RARRES1: variants seen among roughly 807,000 people sequenced by gnomAD.
RARRES1 encodes the protein retinoic acid receptor responder 1.
In RARRES1, 34 loss-of-function variants were observed where a neutral mutation model predicts 30.6. That is an observed-to-expected ratio of 1.11 (90% CI 0.84 to 1.48). The LOEUF is 1.48. Ranked by LOEUF, RARRES1 falls within the 40% of genes most tolerant of loss-of-function variation. The probability of loss-of-function intolerance (pLI) is 0.00; values close to 1 mark genes in which losing one functional copy is unlikely to be tolerated. For synonymous variants in RARRES1, 153 were observed against 155.5 expected (o/e 0.98, Z 0.12); for missense variants, 373 against 386.5 (o/e 0.97, Z 0.29).
At chr3:158,729,847 C>T (rs767883727) in intron 1 of RARRES1, among the ~76,000 whole-genome samples, 41 of 152,150 alleles carry the variant, frequency 2.7e-4, no homozygotes, top group Admixed American at 1.3e-3. Flanking sequence ...TGGTTTTCTG[C>T]AGGGAATCCT....
At chr3:158,700,477 C>G (rs770449706) in intron 4 of RARRES1, among the ~76,000 whole-genome samples, 5 of 152,128 alleles carry the variant, frequency 3.3e-5, no homozygotes, top group Non-Finnish European at 5.9e-5. Flanking sequence ...GTAAAACCCT[C>G]TATCATTTGA....
intron 3 of RARRES1, among the ~76,000 whole-genome samples, chr3:158,709,805 G>A (rs1727049836): frequency 6.6e-6 from 1 of 152,208 alleles, no homozygotes; most frequent in Non-Finnish European, 1.5e-5. Context: ...TAAATTTGCT[G>A]AGTCTCAACT....
rs1414084655 is a variant in RARRES1 at position 158,710,897 on chromosome 3, A to G, written c.376T>C (p.Cys126Arg). 4.3e-6 allele frequency: 7 copies of G among 1,613,838 alleles called. No individual in the cohort carries two copies. Among genetic ancestry groups the G allele is most frequent in the Admixed American group, 1.7e-5 (1 of 59,976 alleles). The stretch of plus-strand genomic sequence containing the variant: ...TTCTTGAAAAACACTCGAGCAGAAC[A>G]TTTCCCCAAACGTCCCTCACCTTCC... ...LQEGEGRLGK[C>R]SARVFFKNQK... The change falls in exon 3 of 6, where the codon TGT (cysteine) becomes CGT (arginine). Residue 126 changes from cysteine (C) to arginine (R), a missense_variant. Physicochemically the swap from Cys to Arg is radical, Grantham distance 180. Transcript: ENST00000237696.
intron 1 of RARRES1, among the ~76,000 whole-genome samples, chr3:158,715,151 GCACA>G (rs1727282389): frequency 6.6e-6 from 1 of 152,148 alleles, no homozygotes; most frequent in Non-Finnish European, 1.5e-5. Context: ...TTTACACAAC[GCACA>G]CACACAAGTC....
chr3:158,720,532 C>T (rs1727482310), intron 1 of RARRES1, among the ~76,000 whole-genome samples: 2 of 152,180 alleles, frequency 1.3e-5, no homozygotes, highest in Non-Finnish European at 2.9e-5. Context: ...TCCTCTGAGA[C>T]TCTGGGTAGA....
In RARRES1 at chr3:158,723,544, A is replaced by G. The variant is rs913519597; in HGVS notation, c.276+8596T>C. Among the ~76,000 whole-genome samples, 2 of 152,256 alleles carry G rather than the reference A, an allele frequency of 1.3e-5. No homozygotes were observed. The highest frequency in any genetic ancestry group is 2.9e-5 in the Non-Finnish European group (2 of 68,048). On this transcript the variant is annotated intron_variant, in intron 1 of 5. Coordinates refer to ENST00000237696, the MANE Select transcript of RARRES1 (RefSeq NM_206963.2). The surrounding 1 kb of genome is among the most constrained non-coding windows in gnomAD (Gnocchi z 4.4). ...AACAGAAGTCAGTTACCTTCTGATC[A>G]GGCCCAGGCAGTGGGGCCCAAGGAG...
At chr3:158,715,118 G>A (rs937928682) in intron 1 of RARRES1, among the ~76,000 whole-genome samples, 6 of 152,206 alleles carry the variant, frequency 3.9e-5, no homozygotes, top group African/African-American at 1.4e-4. Flanking sequence ...GAGTTCTGTT[G>A]TAAGCTGAGG....
chr3:158,698,482 T>C (rs1726623587), intron 4 of RARRES1, among the ~76,000 whole-genome samples: 1 of 152,206 alleles, frequency 6.6e-6, no homozygotes, highest in African/African-American at 2.4e-5. Context: ...CAAATGGGAA[T>C]TCCAACCCAG....
At position 158,728,210 on chromosome 3, in the gene RARRES1, T is replaced by A. The variant is rs575572139; in HGVS notation, c.276+3930A>T. On this transcript the variant is annotated intron_variant, in intron 1 of 5. Transcript: ENST00000237696. The stretch of plus-strand genomic sequence containing the variant: ...CGTTTGTAGTCTATACTATTTCGTT[T>A]AAAAAAAAAAAAAACCGGATCCCAC... Among the ~76,000 whole-genome samples, 119 of 145,028 alleles carry A rather than the reference T, an allele frequency of 8.2e-4. No homozygotes were observed. The South Asian group carries it at 0.022, about 26-fold the overall frequency.
intron 4 of RARRES1, among the ~76,000 whole-genome samples, chr3:158,699,444 C>A (rs987359464): frequency 4.0e-5 from 6 of 150,152 alleles, no homozygotes; most frequent in Non-Finnish European, 5.9e-5. Context: ...ACCCCCCCCC[C>A]ACCAAAAAAG....
At chr3:158,707,706 A>G (rs1726972617) in intron 3 of RARRES1, among the ~76,000 whole-genome samples, 1 of 152,244 alleles carries the variant, frequency 6.6e-6, no homozygotes, top group Admixed American at 6.5e-5. Flanking sequence ...GGAGTGCAGT[A>G]AGATGTTAGA....
At chr3:158,699,086 T>C (rs1340422382) in intron 4 of RARRES1, among the ~76,000 whole-genome samples, 1 of 152,194 alleles carries the variant, frequency 6.6e-6, no homozygotes, top group African/African-American at 2.4e-5. Flanking sequence ...CTTGAAACAA[T>C]GGCCATTTTA....
chr3:158,721,826 C>T (rs538073592), intron 1 of RARRES1, among the ~76,000 whole-genome samples: 55 of 152,276 alleles, frequency 3.6e-4, no homozygotes, highest in African/African-American at 1.2e-3. Context: ...CATGGTGGCT[C>T]ATGCCTGTAA....
rs1727696521 is a variant in RARRES1, at chr3:158,726,590, A to G, written c.276+5550T>C. The stretch of plus-strand genomic sequence containing the variant: ...AAACTGGTGAAGAGCGGGTACAAAC[A>G]AAGATGTCATGTCCATGAAGTCAAG... On this transcript the variant is annotated intron_variant, in intron 1 of 5. Coordinates refer to ENST00000237696, the MANE Select transcript of RARRES1 (RefSeq NM_206963.2). Among the ~76,000 whole-genome samples, 3 of 152,252 alleles carry G rather than the reference A, an allele frequency of 2.0e-5. No individual in the cohort carries two copies. In the South Asian group the frequency reaches 6.2e-4, roughly 31 times the overall value.
chr3:158,720,459 A>G (rs1727480730), intron 1 of RARRES1, among the ~76,000 whole-genome samples: 1 of 152,062 alleles, frequency 6.6e-6, no homozygotes, highest in Non-Finnish European at 1.5e-5. Context: ...AACAACAGAT[A>G]TTTATTCTCA....
chr3:158,713,988 G>T, intron 1 of RARRES1, 129 bp from the exon 2 acceptor site: 1 of 833,762 alleles, frequency 1.2e-6, no homozygotes, highest in Non-Finnish European at 1.9e-6. Context: ...AATAAAATTG[G>T]TGATGGCTTA....
chr3:158,720,273 T>TGTGAGA (rs1160861397), intron 1 of RARRES1, among the ~76,000 whole-genome samples: 40 of 144,532 alleles, frequency 2.8e-4, no homozygotes, highest in African/African-American at 7.2e-4. Context: ...TGTATGTGTG[T>TGTGAGA]GAGAGAGAGA....
Position 158,697,965 on chromosome 3 carries a change from A to T in RARRES1, c.678T>A (p.Thr226=), listed in dbSNP as rs1422206647. 6 of 1,515,304 alleles carry T rather than the reference A, an allele frequency of 4.0e-6. No individual in the cohort carries two copies. In the South Asian group the frequency reaches 6.8e-5, roughly 17 times the overall value. The allele number at this position is 1,515,304 out of a possible 1,614,324, so 93.9% of individuals were successfully genotyped here. A position where few individuals can be genotyped will look rare whatever the true frequency, so the allele number is the denominator to read the frequency against. ...AATCAAAATCAATTGTATCATCATT[A>T]GTTTTCTAGAGGGAGAAAAAAGAGT... ...AQLTSVRQWK[T]NDDTIDFDYT... Residue 226 remains threonine, a synonymous_variant, in exon 5 of 6, where the codon ACT becomes ACA. Transcript: ENST00000237696.
intron 3 of RARRES1, chr3:158,705,730 TCTC>T (rs1386425199): frequency 6.6e-6 from 1 of 152,260 alleles, no homozygotes; most frequent in Non-Finnish European, 1.5e-5. Flanking sequence ...TCTTTGTGCT[TCTC>T]TAATCATTGG....
Sources: allele counts gnomAD v4.1 joint callset (sites outside exome capture counted in the v4.1 genomes callset), GRCh38; gene constraint gnomAD v4.1.1; non-coding constraint Gnocchi (gnomAD v3.1); transcripts MANE v1.5; gene names NCBI Gene and HGNC (gene_info 2026-07-23, HGNC 2026-07-21).